PPIL2: variants seen among roughly 807,000 people sequenced by gnomAD.
The protein encoded by PPIL2 is RING-type E3 ubiquitin-protein ligase PPIL2.
Under a neutral mutation model 75.2 loss-of-function variants are expected in PPIL2, and 50 were observed. That is an observed-to-expected ratio of 0.66 (90% CI 0.53 to 0.84). PPIL2 has a LOEUF of 0.84. PPIL2 is among the 40% of genes least tolerant of loss of function. PPIL2 has a pLI of 0.00. For synonymous variants in PPIL2, 245 were observed against 258.8 expected (o/e 0.95, Z 0.51); for missense variants, 590 against 685.0 (o/e 0.86, Z 1.55).
chr22:21,687,550 CAAAAAAAAAA>C (rs36108489), intron 12 of PPIL2, 83 bp from the exon 13 acceptor site: 3 of 306,564 alleles, frequency 9.8e-6, no homozygotes, highest in Non-Finnish European at 1.7e-5. Flanking sequence ...GACTCCACCT[CAAAAAAAAAA>C]AAAAAAAAAA....
At chr22:21,685,555 G>A in intron 10 of PPIL2, 1 of 386,280 alleles carries the variant, frequency 2.6e-6, no homozygotes, top group Non-Finnish European at 5.0e-6. Context: ...GAAAAAGAAA[G>A]CTTGTTGTCC....
intron 7 of PPIL2, among the ~76,000 whole-genome samples, 167 bp from the exon 8 acceptor site, chr22:21,682,270 G>A (rs911077778): frequency 5.3e-5 from 8 of 152,214 alleles, no homozygotes; most frequent in African/African-American, 1.9e-4. Context: ...CTCCGCCTCT[G>A]TGGGAGCCAC....
chr22:21,684,766 C>T lies in PPIL2; in HGVS notation c.567C>T (p.Ala189=). 1 of 1,613,998 alleles carries T rather than the reference C, an allele frequency of 6.2e-7. No individual in the cohort carries two copies. ...ACTGTTTTGTAGATGAAGAGAAGGC[C>T]AAACAGGACCCGTCTTATTATCTGA... ...MKIIDPDEEK[A]KQDPSYYLKN... is the part of the protein sequence containing the mutation. Residue 189 remains alanine, a synonymous_variant, in exon 10 of 20, where the codon GCC becomes GCT. Transcript: ENST00000398831.
In PPIL2 at chr22:21,696,818, CTT is replaced by C. The variant is rs1569052152; in HGVS notation, c.*1330_*1331del. The stretch of plus-strand genomic sequence containing the variant: ...GATGCTGAAGCTGCAGGCCTGAGCC[CTT>C]TGTCTCCCTGGATGCTGGGTGGCGC... On this transcript the variant is annotated 3_prime_UTR_variant, in exon 20 of 20. Coordinates refer to ENST00000398831, the MANE Select transcript of PPIL2 (RefSeq NM_014337.4). 1.6e-5 allele frequency: 25 copies of C among 1,556,252 alleles called. No homozygotes were observed. Among genetic ancestry groups the C allele is most frequent in the Non-Finnish European group, 2.2e-5 (25 of 1,150,392 alleles).
intron 10 of PPIL2, among the ~76,000 whole-genome samples, chr22:21,685,996 C>T (rs969011190): frequency 9.9e-5 from 15 of 151,288 alleles, no homozygotes; most frequent in East Asian, 2.0e-4. Flanking sequence ...ATAGTGAGAC[C>T]TTATCTCTAC....
At chr22:21,688,040 G>A in intron 13 of PPIL2, 33 bp from the exon 14 acceptor site, 1 of 1,614,146 alleles carries the variant, frequency 6.2e-7, no homozygotes, top group African/African-American at 1.3e-5. Context: ...GGGTCTCAGA[G>A]TGTGACTTGC....
intron 6 of PPIL2, among the ~76,000 whole-genome samples, chr22:21,680,324 C>T (rs1010231584): frequency 1.3e-5 from 2 of 151,554 alleles, no homozygotes; most frequent in African/African-American, 2.4e-5. Flanking sequence ...GTCAGGAGTT[C>T]GGGACCAGTC....
intron 10 of PPIL2, chr22:21,685,508 C>G: frequency 2.8e-6 from 1 of 362,932 alleles, no homozygotes; most frequent in Middle Eastern, 1.0e-3. Flanking sequence ...CTCTGAAGTT[C>G]TCCTTCTTAA....
At chr22:21,684,471 A>AAG (rs2067266587) in intron 9 of PPIL2, among the ~76,000 whole-genome samples, 1 of 148,066 alleles carries the variant, frequency 6.8e-6, no homozygotes, top group African/African-American at 2.6e-5. Flanking sequence ...AAAAAAAAAA[A>AAG]AAAAGAAAAA....
In PPIL2 at chr22:21,690,069, T is replaced by C. The variant is rs1030583615; in HGVS notation, c.1139+1220T>C. On this transcript the variant is annotated intron_variant, in intron 15 of 19. Transcript: ENST00000398831. The stretch of plus-strand genomic sequence containing the variant: ...GTTACGAGCAGGGCTGGCTGTGGCT[T>C]TGTGGCCTGGAATGGTTAAAATCAC... Among the ~76,000 whole-genome samples, 3 of 152,040 alleles carry C rather than the reference T, an allele frequency of 2.0e-5. No homozygotes were observed. In the East Asian group the frequency reaches 5.8e-4, roughly 29 times the overall value.
chr22:21,691,307 A>AT (rs1569042884), intron 15 of PPIL2, among the ~76,000 whole-genome samples: 1 of 152,022 alleles, frequency 6.6e-6, no homozygotes, highest in Non-Finnish European at 1.5e-5. Context: ...AGGTTTGCCT[A>AT]TTTTACCGTA....
Position 21,683,185 on chromosome 22 carries a change from C to T in PPIL2, c.481C>T (p.Pro161Ser). 1 of 1,612,954 alleles carries T rather than the reference C, an allele frequency of 6.2e-7. No individual in the cohort carries two copies. The highest frequency in any genetic ancestry group is 8.5e-7 in the Non-Finnish European group (1 of 1,178,950). The part of the protein sequence containing the change: ...SRQDIITLQD[P>S]TNLDKFNVSN... Reference sequence around the variant, plus strand: ...GGGCATTCTCTTTTTGCCACAGGACCCCACCAATTTGGACAAGTTCAATGT... The same window carrying T: ...GGGCATTCTCTTTTTGCCACAGGACTCCACCAATTTGGACAAGTTCAATGT... Residue 161 changes from proline (P) to serine (S), a missense_variant, in exon 9 of 20, where the codon CCC becomes TCC. Coordinates refer to ENST00000398831, the MANE Select transcript of PPIL2 (RefSeq NM_014337.4).
Position 21,686,521 on chromosome 22 carries a change from C to G in PPIL2, c.753C>G (p.Thr251=). The G allele has an allele frequency of 6.2e-7, 1 of 1,614,170 alleles. No homozygotes were observed. Among genetic ancestry groups the G allele is most frequent in the Non-Finnish European group, 8.5e-7 (1 of 1,180,002 alleles). The part of the protein sequence containing the change: ...YSTGKVSASF[T]STAMVPETTH... ...CAGGGAAGGTCAGCGCTTCCTTCAC[C>G]TCCACCGCGATGGTCCCGGAGACCA... The change falls in exon 11 of 20, where the codon ACC becomes ACG. Residue 251 remains threonine (T), a synonymous_variant. Transcript: ENST00000398831.
intron 6 of PPIL2, among the ~76,000 whole-genome samples, chr22:21,676,920 C>T (rs893720816): frequency 2.6e-5 from 4 of 152,212 alleles, no homozygotes; most frequent in Non-Finnish European, 5.9e-5. Context: ...CTCCTCACTT[C>T]CCAGAAGGGG....
chr22:21,689,985 G>A (rs1048045015), intron 15 of PPIL2, among the ~76,000 whole-genome samples: 10 of 152,190 alleles, frequency 6.6e-5, no homozygotes, highest in Non-Finnish European at 1.2e-4. Flanking sequence ...GTCACACGTG[G>A]TCTCGGTTGT....
intron 17 of PPIL2, 40 bp from the exon 18 acceptor site, chr22:21,694,715 G>A (rs748223227): frequency 2.5e-6 from 4 of 1,612,470 alleles, no homozygotes; most frequent in Non-Finnish European, 3.4e-6. Context: ...AGGCAGGCAG[G>A]GGGAGGACCT....
intron 6 of PPIL2, among the ~76,000 whole-genome samples, chr22:21,676,672 G>T (rs2066876777): frequency 6.7e-6 from 1 of 150,268 alleles, no homozygotes; most frequent in South Asian, 2.1e-4. Context: ...AGAGCACAGG[G>T]TTGGGGGTAA....
chr22:21,670,935 A>G (rs1188758616), intron 3 of PPIL2, 62 bp from the exon 4 acceptor site: 1 of 1,487,944 alleles, frequency 6.7e-7, no homozygotes, highest in Non-Finnish European at 9.4e-7. Flanking sequence ...TGCCAGTCTC[A>G]GCCAGCCCAC....
At chr22:21,670,186 C>A in intron 2 of PPIL2, 1 of 939,904 alleles carries the variant, frequency 1.1e-6, no homozygotes. Flanking sequence ...TTCCCCGATG[C>A]TGGGAGCTAA....
Sources: allele counts gnomAD v4.1 joint callset (sites outside exome capture counted in the v4.1 genomes callset), GRCh38; gene constraint gnomAD v4.1.1; transcripts MANE v1.5; gene names NCBI Gene and HGNC (gene_info 2026-07-23, HGNC 2026-07-21).